ATG10: variants seen among roughly 807,000 people sequenced by gnomAD.
ATG10 encodes the protein autophagy related 10, also known as ubiquitin-like-conjugating enzyme ATG10.
In ATG10, 30 loss-of-function variants were observed where a neutral mutation model predicts 32.1. That is an observed-to-expected ratio of 0.94 (90% CI 0.70 to 1.27). The LOEUF is 1.27. Ranked by LOEUF, ATG10 falls within the 50% of genes most tolerant of loss-of-function variation. ATG10 has a pLI of 0.00. For synonymous variants in ATG10, 87 were observed against 91.5 expected (o/e 0.95, Z 0.28); for missense variants, 233 against 262.3 (o/e 0.89, Z 0.77).
chr5:82,228,833 C>T (rs982936966), intron 5 of ATG10, among the ~76,000 whole-genome samples: 7 of 152,082 alleles, frequency 4.6e-5, no homozygotes, highest in Admixed American at 1.3e-4. Context: ...CACTGATTTA[C>T]AGGAGTAAGG....
intron 3 of ATG10, among the ~76,000 whole-genome samples, chr5:82,124,152 TGC>T (rs1766158506): frequency 6.6e-6 from 1 of 150,638 alleles, no homozygotes; most frequent in Admixed American, 6.6e-5. Flanking sequence ...GGCTGACACT[TGC>T]CACCACGCCC....
At chr5:82,026,481 T>A (rs1762598830) in intron 2 of ATG10, among the ~76,000 whole-genome samples, 1 of 152,212 alleles carries the variant, frequency 6.6e-6, no homozygotes, top group South Asian at 2.1e-4. Context: ...TATTATTTTA[T>A]AGTTTTGCTG....
intron 2 of ATG10, chr5:82,010,044 A>G (rs1762086690): frequency 6.2e-7 from 1 of 1,610,968 alleles, no homozygotes; most frequent in Non-Finnish European, 8.5e-7. Context: ...GACGCGGCCC[A>G]AGGGCTCGCC....
At chr5:81,994,126 T>A (rs1377998944) in intron 2 of ATG10, among the ~76,000 whole-genome samples, 1 of 152,248 alleles carries the variant, frequency 6.6e-6, no homozygotes, top group Non-Finnish European at 1.5e-5. Flanking sequence ...CACATTTCTG[T>A]CATGGTTAAT....
chr5:82,238,745 G>A (rs1412447966), intron 5 of ATG10, among the ~76,000 whole-genome samples: 10 of 152,270 alleles, frequency 6.6e-5, no homozygotes, highest in Non-Finnish European at 2.9e-5. Context: ...ATTCAGTGAT[G>A]TTTACTGAAT....
At chr5:82,111,365 G>A (rs906324386) in intron 3 of ATG10, 7 of 151,826 alleles carry the variant, frequency 4.6e-5, no homozygotes, top group African/African-American at 1.2e-4. Flanking sequence ...TTGTGTTACG[G>A]ATGTCTTCTG....
At chr5:82,064,759 G>A (rs1467523602) in intron 3 of ATG10, among the ~76,000 whole-genome samples, 1 of 151,892 alleles carries the variant, frequency 6.6e-6, no homozygotes, top group East Asian at 1.9e-4. Flanking sequence ...GATTAGTGAA[G>A]GTGGATAAAA....
chr5:82,086,148 C>T (rs1233557092), intron 3 of ATG10, among the ~76,000 whole-genome samples: 2 of 152,028 alleles, frequency 1.3e-5, no homozygotes, highest in Non-Finnish European at 2.9e-5. Flanking sequence ...AAATTCTCAA[C>T]CTTTATTGAA....
At chr5:82,202,903 G>A (rs1016070914) in intron 5 of ATG10, among the ~76,000 whole-genome samples, 2 of 152,142 alleles carry the variant, frequency 1.3e-5, no homozygotes, top group Admixed American at 1.3e-4. Context: ...CTTTGGGCAG[G>A]GGTATGAGAG....
chr5:82,184,812 C>T (rs893866048), intron 5 of ATG10, among the ~76,000 whole-genome samples: 5 of 152,102 alleles, frequency 3.3e-5, no homozygotes, highest in Non-Finnish European at 5.9e-5. Context: ...AGACCCCAGG[C>T]ACCATGCCTA....
intron 2 of ATG10, among the ~76,000 whole-genome samples, chr5:82,047,245 T>C (rs1361573200): frequency 6.6e-6 from 1 of 151,914 alleles, no homozygotes; most frequent in Non-Finnish European, 1.5e-5. Flanking sequence ...TAATAAAAAG[T>C]ATGAGGGCAC....
intron 4 of ATG10, among the ~76,000 whole-genome samples, chr5:82,166,483 A>T (rs1440124917): frequency 6.6e-6 from 1 of 152,230 alleles, no homozygotes; most frequent in South Asian, 2.1e-4. Context: ...GTGGAGAAAC[A>T]TGAAGAATGG....
intron 1 of ATG10, among the ~76,000 whole-genome samples, chr5:81,974,224 A>G (rs967506598): frequency 6.6e-6 from 1 of 152,226 alleles, no homozygotes; most frequent in Non-Finnish European, 1.5e-5. Flanking sequence ...AAAAAAAGCC[A>G]TGGAGATCAT....
intron 3 of ATG10, among the ~76,000 whole-genome samples, chr5:82,077,048 G>A (rs539621045): frequency 1.3e-5 from 2 of 152,306 alleles, no homozygotes; most frequent in East Asian, 3.9e-4. Flanking sequence ...ATCCAGCTGG[G>A]CATGGTGGCT....
chr5:82,140,099 C>G (rs1439662847), intron 3 of ATG10, among the ~76,000 whole-genome samples: 2,194 of 119,752 alleles, frequency 0.018, no homozygotes, highest in African/African-American at 0.047. Flanking sequence ...CCAGCCGCCC[C>G]GTCTGGGAGG....
chr5:82,068,092 C>T (rs9293288), intron 3 of ATG10, among the ~76,000 whole-genome samples: 149,986 of 152,240 alleles, frequency 0.99, 73,912 homozygotes, highest in Middle Eastern at 1. Flanking sequence ...TATACATTTT[C>T]CCCATTTCTT....
intron 1 of ATG10, among the ~76,000 whole-genome samples, chr5:81,983,803 G>T (rs1393865038): frequency 6.6e-6 from 1 of 151,444 alleles, no homozygotes; most frequent in Non-Finnish European, 1.5e-5. Flanking sequence ...GCCAGGCAGA[G>T]ACGCTCCTCA....
At chr5:82,139,345 C>T (rs1024993743) in intron 3 of ATG10, among the ~76,000 whole-genome samples, 1 of 150,122 alleles carries the variant, frequency 6.7e-6, no homozygotes, top group East Asian at 2.0e-4. Flanking sequence ...GCTGCCCAGT[C>T]TGGAAAGTGA....
At chr5:82,072,211 A>G (rs1460866846) in intron 3 of ATG10, among the ~76,000 whole-genome samples, 2 of 152,126 alleles carry the variant, frequency 1.3e-5, no homozygotes, top group African/African-American at 4.8e-5. Context: ...TGTAATTTTC[A>G]TGCTTTCTTC....
Sources: allele counts gnomAD v4.1 joint callset (sites outside exome capture counted in the v4.1 genomes callset), GRCh38; gene constraint gnomAD v4.1.1; transcripts MANE v1.5; gene names NCBI Gene and HGNC (gene_info 2026-07-23, HGNC 2026-07-21).